Variants in MBP observed in about 807,000 individuals in gnomAD.
The protein encoded by MBP is myelin basic protein.
In MBP, 16 loss-of-function variants were observed where a neutral mutation model predicts 35.8. That is an observed-to-expected ratio of 0.45 (90% CI 0.30 to 0.68). MBP has a LOEUF of 0.68. MBP is among the 30% of genes least tolerant of loss of function. The pLI is 0.08. For missense variants in MBP, 380 were observed against 404.7 expected (o/e 0.94, Z 0.52); for synonymous variants, 143 against 159.6 (o/e 0.90, Z 0.78).
chr18:77,028,762 C>T (rs1400985528), intron 3 of MBP, among the ~76,000 whole-genome samples: 1 of 99,912 alleles, frequency 1.0e-5, no homozygotes, highest in Non-Finnish European at 2.6e-5. Flanking sequence ...ATCCCCCCAC[C>T]TCCCTCCCGG....
intron 1 of MBP, among the ~76,000 whole-genome samples, chr18:77,120,235 A>G (rs1976847830): frequency 6.6e-6 from 1 of 152,234 alleles, no homozygotes; most frequent in Admixed American, 6.5e-5. Flanking sequence ...GGCTTCTCCC[A>G]ACGCTGGCAA....
At chr18:77,123,968 G>A (rs1312287071) in intron 1 of MBP, among the ~76,000 whole-genome samples, 1 of 152,228 alleles carries the variant, frequency 6.6e-6, no homozygotes, top group Non-Finnish European at 1.5e-5. Flanking sequence ...CCTGCACGGA[G>A]TCTGCGGGTG....
At chr18:77,027,663 G>A (rs1486229576) in intron 3 of MBP, among the ~76,000 whole-genome samples, 2 of 152,164 alleles carry the variant, frequency 1.3e-5, no homozygotes, top group East Asian at 1.9e-4. Context: ...TCAACATGAC[G>A]TCCACCAGAT....
chr18:77,013,055 A>G (rs1296808130), intron 4 of MBP: 67 of 985,386 alleles, frequency 6.8e-5, no homozygotes, highest in Non-Finnish European at 8.0e-5. Context: ...CACAGTGAGC[A>G]GCTGGTGACT....
At chr18:77,080,071 C>G (rs989684569) in intron 2 of MBP, among the ~76,000 whole-genome samples, 1 of 152,102 alleles carries the variant, frequency 6.6e-6, no homozygotes, top group African/African-American at 2.4e-5. Context: ...GAAGTATCAG[C>G]CCAGGAATAA....
intron 2 of MBP, among the ~76,000 whole-genome samples, chr18:77,086,952 T>G (rs1826300524): frequency 6.6e-6 from 1 of 152,226 alleles, no homozygotes; most frequent in African/African-American, 2.4e-5. Context: ...TAAACCACTT[T>G]TTAAAAAGAC....
At chr18:77,082,107 C>T (rs1292761009) in intron 2 of MBP, among the ~76,000 whole-genome samples, 2 of 152,036 alleles carry the variant, frequency 1.3e-5, no homozygotes, top group Non-Finnish European at 2.9e-5. Context: ...CCGCCTCGGC[C>T]TCCCAAAGTG....
intron 1 of MBP, among the ~76,000 whole-genome samples, chr18:77,117,084 T>C (rs1319440604): frequency 6.6e-6 from 1 of 152,198 alleles, no homozygotes; most frequent in Admixed American, 6.5e-5. Flanking sequence ...TAGAGGGTGC[T>C]TTCTCCTTCA....
chr18:76,986,255 C>A, intron 7 of MBP: 1 of 985,544 alleles, frequency 1.0e-6, no homozygotes, highest in South Asian at 4.7e-5. Context: ...TGTCCTTGAG[C>A]CCTCTCCTGA....
At chr18:77,082,155 A>G (rs1036508159) in intron 2 of MBP, among the ~76,000 whole-genome samples, 1 of 152,144 alleles carries the variant, frequency 6.6e-6, no homozygotes, top group African/African-American at 2.4e-5. Context: ...CCCGGCCCAT[A>G]GCAGCATATT....
chr18:77,063,896 A>ATG (rs10554697), intron 3 of MBP, among the ~76,000 whole-genome samples: 597 of 149,836 alleles, frequency 4.0e-3, no homozygotes, highest in East Asian at 5.7e-3. Context: ...ACCTATACAT[A>ATG]TGTGTGTGTG....
chr18:77,022,278 A>G lies in MBP; in HGVS notation c.140-5010T>C, dbSNP rs189442331. ...CGCGGTGGTCTCGTCCATGCACCCA[A>G]GGGATTGCGTACGGCTGCCAGTGTG... On this transcript the variant is annotated intron_variant, in intron 3 of 8. Coordinates refer to ENST00000355994, the MANE Select transcript of MBP (RefSeq NM_001025101.2). Among the ~76,000 whole-genome samples, 7 of 152,294 alleles carry G rather than the reference A, an allele frequency of 4.6e-5. 1 individual carries two copies. The South Asian group carries it at 8.3e-4, about 18-fold the overall frequency.
At chr18:77,107,629 C>A (rs560391560) in intron 1 of MBP, among the ~76,000 whole-genome samples, 40 of 152,298 alleles carry the variant, frequency 2.6e-4, no homozygotes, top group African/African-American at 8.9e-4. Flanking sequence ...CTGAACTGCT[C>A]CTTGGAGAGG....
At chr18:77,026,840 T>C (rs560025215) in intron 3 of MBP, among the ~76,000 whole-genome samples, 1 of 152,312 alleles carries the variant, frequency 6.6e-6, no homozygotes, top group Non-Finnish European at 1.5e-5. Flanking sequence ...CACTCCAGCA[T>C]GGGCAACAGA....
chr18:77,080,726 C>T (rs2144917577), intron 2 of MBP, among the ~76,000 whole-genome samples: 1 of 152,270 alleles, frequency 6.6e-6, no homozygotes, highest in East Asian at 1.9e-4. Context: ...CTCTCTCACC[C>T]AGGCTGGAGT....
At chr18:77,132,462 CCCCCGGCTCCCGCGGGGCTCCGG>C (rs1977317955) in intron 1 of MBP, 95 bp downstream of exon 1, 2 of 152,286 alleles carry the variant, frequency 1.3e-5, no homozygotes. Flanking sequence ...CGATCTTGCG[CCCCCGGCTCCCGCGGGGCTCCGG>C]TCCGGGGTCC....
chr18:77,059,918 T>C (rs1414669121), intron 3 of MBP, among the ~76,000 whole-genome samples: 1 of 152,228 alleles, frequency 6.6e-6, no homozygotes, highest in African/African-American at 2.4e-5. Context: ...CTTGGTTAGA[T>C]ATGACAGGAA....
At chr18:77,087,812 C>T (rs974532783) in intron 2 of MBP, among the ~76,000 whole-genome samples, 1 of 152,038 alleles carries the variant, frequency 6.6e-6, no homozygotes, top group East Asian at 1.9e-4. Context: ...GGTCCCGGGG[C>T]AGCTGGGAGC....
At chr18:77,024,581 C>T (rs1458345164) in intron 3 of MBP, among the ~76,000 whole-genome samples, 1 of 152,208 alleles carries the variant, frequency 6.6e-6, no homozygotes. Flanking sequence ...CAAGCGGGAC[C>T]GCCTTCCACA....
Sources: gnomAD v4.1 joint callset for allele counts (sites outside exome capture counted in the v4.1 genomes callset) on GRCh38, gnomAD v4.1.1 for gene constraint, MANE v1.5 for transcripts, NCBI Gene and HGNC (gene_info 2026-07-23, HGNC 2026-07-21) for gene names.